The following EPHX2 variants were observed in gnomAD, a reference collection of about 807,000 sequenced individuals.
EPHX2 encodes the protein bifunctional epoxide hydrolase 2.
Under a neutral mutation model 78.7 loss-of-function variants are expected in EPHX2, and 74 were observed. The ratio of observed to expected loss-of-function variants is 0.94; its 90% CI spans 0.78 to 1.14. The LOEUF (loss-of-function observed/expected upper bound fraction) is 1.14. Among genes scored for constraint, EPHX2 ranks in the 50% most tolerant of loss-of-function variants. The pLI, the probability that EPHX2 is intolerant of heterozygous loss-of-function variation, is 0.00. For synonymous variants in EPHX2, 251 were observed against 255.2 expected, an observed-to-expected ratio of 0.98 and a Z score of 0.16; for missense variants, 715 against 702.5, an observed-to-expected ratio of 1.02 and a Z score of -0.20.
At chr8:27,500,829 TA>T in intron 1 of EPHX2, 96 bp from the exon 2 acceptor site, 1 of 1,120,758 alleles carries the variant, frequency 8.9e-7, no homozygotes. Context: ...TATCCCTTTC[TA>T]GTGGCTGCTT....
chr8:27,517,106 G>A (rs947269872), intron 8 of EPHX2, among the ~76,000 whole-genome samples: 3 of 151,852 alleles, frequency 2.0e-5, no homozygotes, highest in East Asian at 3.9e-4. Flanking sequence ...TTTTAGTAGA[G>A]ACCCACTTTG....
chr8:27,491,406 G>C, intron 1 of EPHX2, 97 bp downstream of exon 1: 1 of 904,388 alleles, frequency 1.1e-6, no homozygotes. Flanking sequence ...TCCTGTGCCG[G>C]AGCCCTGCGA....
chr8:27,526,279 A>G (rs1483009346), intron 12 of EPHX2, among the ~76,000 whole-genome samples: 1 of 152,196 alleles, frequency 6.6e-6, no homozygotes, highest in Non-Finnish European at 1.5e-5. Flanking sequence ...AATTATTTTC[A>G]TTGATGAGAC....
chr8:27,515,851 G>C, intron 7 of EPHX2, 38 bp downstream of exon 7: 2 of 1,573,420 alleles, frequency 1.3e-6, no homozygotes, highest in Non-Finnish European at 1.7e-6. Context: ...GTCAGGGTGA[G>C]GTTGGGGGAG....
chr8:27,538,772 C>CTTCTGCCCAT, intron 14 of EPHX2, 80 bp downstream of exon 14: 1 of 1,509,988 alleles, frequency 6.6e-7, no homozygotes, highest in Non-Finnish European at 9.2e-7. Context: ...CTGCTATGGG[C>CTTCTGCCCAT]AGAAGCCCTG....
intron 3 of EPHX2, 22 bp from the exon 4 acceptor site, chr8:27,504,934 C>CTACT: frequency 6.2e-7 from 1 of 1,612,890 alleles, no homozygotes; most frequent in Non-Finnish European, 8.5e-7. Context: ...GCTGGTCTAT[C>CTACT]TACTGGTGGC....
chr8:27,544,744 T>A lies in EPHX2; in HGVS notation c.*222T>A. 1 of 577,906 alleles carries A rather than the reference T, an allele frequency of 1.7e-6. No homozygotes were observed. Among genetic ancestry groups the A allele is most frequent in the Non-Finnish European group, 3.1e-6 (1 of 325,458 alleles). The allele number at this position is 577,906 out of a possible 1,614,324, so 35.8% of individuals were successfully genotyped here. A position where few individuals can be genotyped will look rare whatever the true frequency, so the allele number is the denominator to read the frequency against. ...GTGTGATTAGTTCTCCAGGCATGAA[T>A]GCATCGTCCCTTTATCTGTAAGAAC... On this transcript the variant is annotated 3_prime_UTR_variant, in exon 19 of 19. Transcript: ENST00000521400.
chr8:27,520,986 C>A (rs72475869), intron 10 of EPHX2, 77 bp downstream of exon 10: 41 of 1,589,416 alleles, frequency 2.6e-5, no homozygotes, highest in Admixed American at 5.0e-5. Context: ...GCGTCAGCCT[C>A]GAGCAGAGGT....
chr8:27,505,061 T>C lies in EPHX2; in HGVS notation c.452T>C (p.Ile151Thr), dbSNP rs372428836. ...CTGAAGATGCACTTTGACTTCCTGA[T>C]AGAGTCGTGTCAGGTGGGAATGGTC... ...CELKMHFDFLIESCQVGMVKP... is the reference protein window; with the variant it reads ...CELKMHFDFLTESCQVGMVKP... Residue 151 changes from isoleucine to threonine, a missense_variant, in exon 4 of 19, where the codon ATA becomes ACA. Transcript: ENST00000521400. 2.7e-5 allele frequency: 44 copies of C among 1,614,026 alleles called. No homozygotes were observed. The highest frequency in any genetic ancestry group is 3.6e-5 in the Non-Finnish European group (43 of 1,180,026).
At chr8:27,507,293 G>A (rs1015607730) in intron 5 of EPHX2, among the ~76,000 whole-genome samples, 2 of 152,224 alleles carry the variant, frequency 1.3e-5, no homozygotes, top group African/African-American at 4.8e-5. Context: ...ACTTTTGAGA[G>A]TAAGTATGGA....
intron 2 of EPHX2, among the ~76,000 whole-genome samples, chr8:27,501,391 T>TTCTTCTTCTTCTTCTTCTTC (rs1813792506): frequency 7.7e-6 from 1 of 129,842 alleles, no homozygotes; most frequent in Non-Finnish European, 1.6e-5. Flanking sequence ...CTTCTTCTTC[T>TTCTTCTTCTTCTTCTTCTTC]TCTTTCTTCT....
intron 1 of EPHX2, among the ~76,000 whole-genome samples, chr8:27,499,293 A>G (rs1813681098): frequency 6.6e-6 from 1 of 152,198 alleles, no homozygotes; most frequent in Non-Finnish European, 1.5e-5. Flanking sequence ...TTCAGAGGAG[A>G]CAAACGTTCA....
At chr8:27,497,007 C>T (rs1357162823) in intron 1 of EPHX2, among the ~76,000 whole-genome samples, 3 of 152,214 alleles carry the variant, frequency 2.0e-5, no homozygotes, top group African/African-American at 7.2e-5. Flanking sequence ...CTCCCAATTA[C>T]AACTGAGAAG....
chr8:27,522,329 C>A (rs970343173), intron 10 of EPHX2, 94 bp from the exon 11 acceptor site: 7 of 1,199,652 alleles, frequency 5.8e-6, no homozygotes, highest in Admixed American at 5.7e-5. Context: ...GGGGAGGAGA[C>A]CCTGGTGTCG....
intron 9 of EPHX2, among the ~76,000 whole-genome samples, chr8:27,519,278 C>T (rs1315207151): frequency 2.0e-5 from 3 of 152,216 alleles, no homozygotes; most frequent in Admixed American, 1.3e-4. Flanking sequence ...GGACACTGTT[C>T]AGCTATACAG....
chr8:27,538,752 C>T, intron 14 of EPHX2, 60 bp downstream of exon 14: 6 of 1,559,512 alleles, frequency 3.8e-6, no homozygotes, highest in Non-Finnish European at 5.3e-6. Context: ...AGGGATGTTT[C>T]TGTCTCTGAC....
intron 16 of EPHX2, among the ~76,000 whole-genome samples, chr8:27,543,010 C>A (rs1815458226): frequency 7.4e-6 from 1 of 135,896 alleles, no homozygotes; most frequent in East Asian, 2.7e-4. Context: ...ATCCTCTCCC[C>A]CCCCCGCCCC....
At chr8:27,505,240 C>A in intron 4 of EPHX2, 94 bp downstream of exon 4, 4 of 1,234,512 alleles carry the variant, frequency 3.2e-6, no homozygotes, top group Non-Finnish European at 4.6e-6. Context: ...GCATCTTGGG[C>A]CTGGCAGGAC....
intron 1 of EPHX2, among the ~76,000 whole-genome samples, chr8:27,492,107 A>T (rs950011762): frequency 6.6e-6 from 1 of 152,226 alleles, no homozygotes; most frequent in Non-Finnish European, 1.5e-5. Flanking sequence ...GAGGAAACTG[A>T]GGCACAGAAA....
Sources: allele counts gnomAD v4.1 joint callset (sites outside exome capture counted in the v4.1 genomes callset), GRCh38; gene constraint gnomAD v4.1.1; transcripts MANE v1.5; gene names NCBI Gene and HGNC (gene_info 2026-07-23, HGNC 2026-07-21).